Variants in ESRRG observed in about 807,000 individuals in gnomAD.
ESRRG encodes estrogen-related receptor gamma.
A neutral mutation model predicts 44.0 loss-of-function variants in ESRRG; 13 were observed. That is an observed-to-expected ratio of 0.30 (90% confidence interval 0.19 to 0.47). The LOEUF (loss-of-function observed/expected upper bound fraction) is 0.47, where lower values mean the gene tolerates loss of function less well. ESRRG is among the 20% of genes least tolerant of loss of function. ESRRG has a pLI of 1.00. For synonymous variants in ESRRG, 215 were observed against 214.6 expected (o/e 1.00, Z -0.02); for missense variants, 395 against 580.6 (o/e 0.68, Z 3.29).
intron 3 of ESRRG, among the ~76,000 whole-genome samples, chr1:216,573,022 T>C (rs1209325038): frequency 6.6e-6 from 1 of 151,988 alleles, no homozygotes; most frequent in African/African-American, 2.4e-5. Context: ...ATTATTTTTA[T>C]GTAATTGTTT....
At position 216,506,582 on chromosome 1, in the gene ESRRG, G is replaced by C; in HGVS notation, c.*357C>G. The C allele has an allele frequency of 2.1e-6, 1 of 466,196 alleles. No individual in the cohort carries two copies. The highest frequency in any genetic ancestry group is 4.3e-6 in the Non-Finnish European group (1 of 235,274). 28.9% of individuals were successfully genotyped at this position (466,196 alleles called of 1,614,324 possible). A position where few individuals can be genotyped will look rare whatever the true frequency, so the allele number is the denominator to read the frequency against. ...GGGAAGGATGAGAAAAGAGAGGAAT[G>C]AGAGTAGGTAAAGAAAAGAAAGAAG... On this transcript the variant is annotated 3_prime_UTR_variant, in exon 7 of 7. Transcript: ENST00000408911.
intron 6 of ESRRG, among the ~76,000 whole-genome samples, chr1:216,509,609 G>A (rs547055194): frequency 2.5e-4 from 38 of 152,280 alleles, no homozygotes; most frequent in African/African-American, 8.9e-4. Flanking sequence ...AAATAGCAGA[G>A]AGATATGCTC....
chr1:217,045,472 G>C (rs990879587), intron 1 of ESRRG, among the ~76,000 whole-genome samples: 1 of 152,172 alleles, frequency 6.6e-6, no homozygotes, highest in Admixed American at 6.5e-5. Flanking sequence ...GGGAGAAAAG[G>C]GGGGACCTGC....
At chr1:216,715,934 A>C (rs1210749945) in intron 1 of ESRRG, among the ~76,000 whole-genome samples, 1 of 152,112 alleles carries the variant, frequency 6.6e-6, no homozygotes, top group Non-Finnish European at 1.5e-5. Context: ...TCATGGAAAA[A>C]AAGAATTTAG....
At chr1:217,134,965 C>G (rs1162294117) in intron 1 of ESRRG, among the ~76,000 whole-genome samples, 1 of 152,220 alleles carries the variant, frequency 6.6e-6, no homozygotes, top group Admixed American at 6.5e-5. Context: ...AATTCAGGGA[C>G]CTGACCCTGA....
chr1:217,085,481 ATTTTTTTTTTTTT>A (rs148354268), intron 1 of ESRRG, among the ~76,000 whole-genome samples: 7 of 49,128 alleles, frequency 1.4e-4, no homozygotes, highest in African/African-American at 6.5e-4. Context: ...TTTTCTTTTC[ATTTTTTTTTTTTT>A]TTTTTTTTTT....
At chr1:216,704,620 T>TA (rs886225061) in intron 1 of ESRRG, among the ~76,000 whole-genome samples, 9 of 151,772 alleles carry the variant, frequency 5.9e-5, no homozygotes, top group South Asian at 4.2e-4. Flanking sequence ...GAGGAAATAT[T>TA]AAAAAAAAAT....
intron 3 of ESRRG, among the ~76,000 whole-genome samples, chr1:216,644,330 C>T (rs903375028): frequency 4.6e-5 from 7 of 152,104 alleles, no homozygotes; most frequent in African/African-American, 1.7e-4. Context: ...AATCTTCATA[C>T]TGTGTGTATT....
chr1:216,557,090 A>G (rs2057745006), intron 5 of ESRRG, among the ~76,000 whole-genome samples: 1 of 152,176 alleles, frequency 6.6e-6, no homozygotes, highest in Admixed American at 6.5e-5. Flanking sequence ...GCAACCAATC[A>G]TTTAAGGACT....
rs138737048 is a variant in ESRRG at position 216,746,341 on chromosome 1, A to G, written c.-13-68850T>C. On this transcript the variant is annotated intron_variant, in intron 2 of 7. Transcript: ENST00000359162. ...ATGTATAATAGAGGAGGCCCAAGCT[A>G]GGCTGATGAAAAGAAAAATGATACC... Among the ~76,000 whole-genome samples, 256 of 152,284 alleles carry G rather than the reference A, an allele frequency of 1.7e-3. 2 individuals carry two copies. Among genetic ancestry groups the G allele is most frequent in the African/African-American group, 5.9e-3 (245 of 41,552 alleles).
chr1:216,973,053 C>T (rs76568288), intron 1 of ESRRG, among the ~76,000 whole-genome samples: 1,761 of 152,258 alleles, frequency 0.012, 22 homozygotes, highest in African/African-American at 0.035. Context: ...GTCCAAACCA[C>T]TGTGTGTCCT....
At chr1:216,775,819 C>T (rs1049670894) in intron 2 of ESRRG, among the ~76,000 whole-genome samples, 13 of 151,798 alleles carry the variant, frequency 8.6e-5, no homozygotes, top group African/African-American at 3.1e-4. Context: ...CCTTTCTTGG[C>T]CTCCCAAAGT....
At chr1:216,589,029 A>C (rs1039239751) in intron 3 of ESRRG, among the ~76,000 whole-genome samples, 1 of 152,212 alleles carries the variant, frequency 6.6e-6, no homozygotes, top group Non-Finnish European at 1.5e-5. Context: ...AAAGAAAAAC[A>C]GTGCACCTGA....
chr1:217,065,443 A>G (rs1378044163), intron 1 of ESRRG, among the ~76,000 whole-genome samples: 4 of 152,234 alleles, frequency 2.6e-5, no homozygotes, highest in African/African-American at 9.6e-5. Context: ...AGGCTTGCTT[A>G]GAGAAATTTT....
chr1:217,109,539 G>A (rs2092637518), intron 1 of ESRRG, among the ~76,000 whole-genome samples: 1 of 152,168 alleles, frequency 6.6e-6, no homozygotes, highest in African/African-American at 2.4e-5. Flanking sequence ...AGGAGCCCAG[G>A]AGATAGCAAA....
At chr1:217,136,802 C>T (rs2093056279) in intron 1 of ESRRG, among the ~76,000 whole-genome samples, 1 of 152,218 alleles carries the variant, frequency 6.6e-6, no homozygotes, top group African/African-American at 2.4e-5. Flanking sequence ...TCGCTCCATA[C>T]ACCAAACTTC....
At chr1:216,950,826 T>A (rs1029643552) in intron 1 of ESRRG, among the ~76,000 whole-genome samples, 2 of 152,152 alleles carry the variant, frequency 1.3e-5, no homozygotes, top group African/African-American at 2.4e-5. Flanking sequence ...CTCTTATTTT[T>A]AAAAAAATAT....
chr1:216,979,990 A>T (rs2073658568), intron 1 of ESRRG, among the ~76,000 whole-genome samples: 1 of 152,196 alleles, frequency 6.6e-6, no homozygotes, highest in Non-Finnish European at 1.5e-5. Flanking sequence ...TGTCTAAAGC[A>T]TCACACTGCT....
chr1:216,755,979 T>G (rs1234320761), intron 2 of ESRRG, among the ~76,000 whole-genome samples: 1 of 152,002 alleles, frequency 6.6e-6, no homozygotes, highest in Non-Finnish European at 1.5e-5. Context: ...CTAAAAAAAC[T>G]AACTTTCCCC....
Sources: allele counts gnomAD v4.1 joint callset (sites outside exome capture counted in the v4.1 genomes callset), GRCh38; gene constraint gnomAD v4.1.1; transcripts MANE v1.5; gene names NCBI Gene and HGNC (gene_info 2026-07-23, HGNC 2026-07-21).